ADAMTS9: variants seen among roughly 807,000 people sequenced by gnomAD.
The protein encoded by ADAMTS9 is ADAM metallopeptidase with thrombospondin type 1 motif 9.
ADAMTS9 carries 107 observed loss-of-function variants against 257.1 expected under a neutral mutation model. The observed-to-expected ratio is 0.42, with a 90% CI of 0.36 to 0.49. The LOEUF (loss-of-function observed/expected upper bound fraction) is 0.49, where lower values mean the gene tolerates loss of function less well. Ranked by LOEUF, ADAMTS9 falls within the 20% of genes least tolerant of loss-of-function variation. ADAMTS9 has a pLI of 0.03. For missense variants in ADAMTS9, 2,353 were observed against 2,469.1 expected, an observed-to-expected ratio of 0.95 and a Z score of 1.00; for synonymous variants, 982 against 880.9, an observed-to-expected ratio of 1.11 and a Z score of -2.03.
At chr3:64,595,535 C>T (rs951749352) in intron 27 of ADAMTS9, among the ~76,000 whole-genome samples, 2 of 152,216 alleles carry the variant, frequency 1.3e-5, no homozygotes, top group African/African-American at 2.4e-5. Context: ...ATTACAGAAG[C>T]TTAATCACAG....
In ADAMTS9 at chr3:64,647,929, G is replaced by A. The variant is rs1449789653; in HGVS notation, c.1710+11C>T. The A allele has an allele frequency of 6.2e-7, 1 of 1,611,878 alleles. No individual in the cohort carries two copies. Among genetic ancestry groups the A allele is most frequent in the Admixed American group, 1.7e-5 (1 of 59,798 alleles). On this transcript the variant is annotated intron_variant, in intron 11 of 39. Coordinates refer to ENST00000498707, the MANE Select transcript of ADAMTS9 (RefSeq NM_182920.2). ...CCCTAAGACAGAAGGACAGAACAGG[G>A]CATTACTTGCCTTTCCAGGCTCGCA... is the stretch of plus-strand genomic sequence containing the variant.
At chr3:64,598,613 C>T (rs2084405655) in intron 26 of ADAMTS9, among the ~76,000 whole-genome samples, 2 of 152,242 alleles carry the variant, frequency 1.3e-5, no homozygotes, top group South Asian at 2.1e-4. Flanking sequence ...AGCCACCATG[C>T]CTGGCCTTAC....
chr3:64,686,930 A>C lies in ADAMTS9; in HGVS notation c.154T>G (p.Ser52Ala). The change falls in exon 2 of 40, where the codon TCT becomes GCT. Residue 52 changes from serine to alanine, a missense_variant. By Grantham distance (99) the Ser-to-Ala change is moderately conservative. Coordinates refer to ENST00000498707, the MANE Select transcript of ADAMTS9 (RefSeq NM_182920.2). This position sits in a 1 kb window ranked among gnomAD's most constrained non-coding sequence, Gnocchi z 4.6. ...LETLSEYEIV[S>A]PIRVNALGEP... Reference sequence around the variant, plus strand: ...CCGAGAGCGTTCACTCGGATGGGAGACACGATTTCGTATTCGCTCAGGGTC... The same window carrying C: ...CCGAGAGCGTTCACTCGGATGGGAGCCACGATTTCGTATTCGCTCAGGGTC... 6.2e-7 allele frequency: 1 copy of C among 1,614,148 alleles called. No homozygotes were observed. Among genetic ancestry groups the C allele is most frequent in the African/African-American group, 1.3e-5 (1 of 75,030 alleles).
intron 10 of ADAMTS9, among the ~76,000 whole-genome samples, chr3:64,648,425 G>A (rs1418845848): frequency 6.6e-6 from 1 of 152,056 alleles, no homozygotes; most frequent in Non-Finnish European, 1.5e-5. Context: ...TCCAGTAATA[G>A]ACAGCATTTA....
rs1450471555 is a variant in ADAMTS9 at position 64,551,070 on chromosome 3, A to G, written c.4699-8T>C. The G allele has an allele frequency of 2.5e-6, 4 of 1,613,710 alleles. No homozygotes were observed. Among genetic ancestry groups the G allele is most frequent in the Non-Finnish European group, 3.4e-6 (4 of 1,179,774 alleles). On this transcript the variant is annotated splice_region_variant and splice_polypyrimidine_tract_variant and intron_variant, in intron 30 of 39. Transcript: ENST00000498707. The stretch of plus-strand genomic sequence containing the variant: ...GCCGCAGGTCTTGGTGCACTGTTAA[A>G]TACAAGCAAAAGAGAAGAATAAACC...
chr3:64,568,132 A>G (rs993879181), intron 29 of ADAMTS9, among the ~76,000 whole-genome samples: 2 of 152,126 alleles, frequency 1.3e-5, no homozygotes, highest in Admixed American at 6.5e-5. Context: ...TTCCACTTAG[A>G]ATTCACCCTC....
At chr3:64,659,414 G>C (rs1326386093) in intron 3 of ADAMTS9, among the ~76,000 whole-genome samples, 1 of 145,712 alleles carries the variant, frequency 6.9e-6, no homozygotes, top group African/African-American at 2.5e-5. Flanking sequence ...CCTGACGTGA[G>C]TTTAGATTGT....
chr3:64,566,450 C>T (rs868519636), intron 29 of ADAMTS9, among the ~76,000 whole-genome samples: 26 of 152,066 alleles, frequency 1.7e-4, no homozygotes, highest in African/African-American at 2.9e-4. Flanking sequence ...TTGACTTTTC[C>T]GAGCAATCAT....
intron 2 of ADAMTS9, among the ~76,000 whole-genome samples, chr3:64,683,570 A>C (rs1701812725): frequency 6.6e-6 from 1 of 152,000 alleles, no homozygotes; most frequent in Non-Finnish European, 1.5e-5. Flanking sequence ...TTCTTGGAGG[A>C]TTTGGATGAG....
At chr3:64,555,491 G>A (rs2083322029) in intron 30 of ADAMTS9, among the ~76,000 whole-genome samples, 1 of 152,152 alleles carries the variant, frequency 6.6e-6, no homozygotes, top group Admixed American at 6.5e-5. Context: ...GACACCCAGG[G>A]TGGCAGCTAT....
chr3:64,594,092 A>C (rs1445254768), intron 28 of ADAMTS9, among the ~76,000 whole-genome samples, 166 bp downstream of exon 28: 1 of 152,060 alleles, frequency 6.6e-6, no homozygotes, highest in East Asian at 1.9e-4. Context: ...AATATCATAA[A>C]AAGTTAATTC....
intron 3 of ADAMTS9, among the ~76,000 whole-genome samples, chr3:64,678,716 C>T (rs1701682846): frequency 6.6e-6 from 1 of 152,202 alleles, no homozygotes; most frequent in Non-Finnish European, 1.5e-5. Context: ...ACTCCCTGTG[C>T]AAAGGCTACC....
At chr3:64,531,802 T>G (rs2082984986) in intron 38 of ADAMTS9, among the ~76,000 whole-genome samples, 1 of 152,216 alleles carries the variant, frequency 6.6e-6, no homozygotes, top group Non-Finnish European at 1.5e-5. Context: ...CCCAGCTCTC[T>G]TCTTTGTCTT....
At chr3:64,585,687 CCTGA>C (rs1559777969) in intron 28 of ADAMTS9, among the ~76,000 whole-genome samples, 6 of 152,120 alleles carry the variant, frequency 3.9e-5, no homozygotes, top group African/African-American at 1.2e-4. Context: ...AATCTATCAT[CCTGA>C]CTATCTATAT....
chr3:64,527,542 T>C (rs2082925429), intron 38 of ADAMTS9, among the ~76,000 whole-genome samples: 1 of 128,008 alleles, frequency 7.8e-6, no homozygotes, highest in Non-Finnish European at 1.6e-5. Context: ...TTATAATGAT[T>C]ATGGTATAAT....
In ADAMTS9 at chr3:64,546,800, G is replaced by T. The variant is rs6787633; in HGVS notation, c.5022C>A (p.Asp1674Glu). The T allele has an allele frequency of 3.7e-6, 6 of 1,612,848 alleles. No homozygotes were observed. The African/African-American group carries it at 8.0e-5, about 22-fold the overall frequency. ...PPSVHPCYLR[D>E]CPVSATWRVG... ...CTCTCCAGGTGGCCGAGACAGGGCA[G>T]TCCCTCAGGTAACAGGGGTGAACAC... The change falls in exon 32 of 40, where the codon GAC becomes GAA. Residue 1674 changes from aspartate (D) to glutamate (E), a missense_variant. Physicochemically the swap from Asp to Glu is conservative, Grantham distance 45. This residue lies in a region of ADAMTS9 where 1,402 missense variants were observed against 1,441.4 expected (regional missense o/e 0.97). Transcript: ENST00000498707.
chr3:64,590,636 T>C (rs980973633), intron 28 of ADAMTS9, among the ~76,000 whole-genome samples: 1 of 152,152 alleles, frequency 6.6e-6, no homozygotes, highest in Non-Finnish European at 1.5e-5. Context: ...AAACATTTTC[T>C]CTTCCTACCT....
intron 12 of ADAMTS9, among the ~76,000 whole-genome samples, chr3:64,635,011 T>C (rs948775536): frequency 6.6e-6 from 1 of 152,142 alleles, no homozygotes; most frequent in Admixed American, 6.5e-5. Flanking sequence ...TGAGCTTCAA[T>C]TTTTCCCCTT....
At position 64,687,074 on chromosome 3, in the gene ADAMTS9, C is replaced by A. The variant is rs2107072560; in HGVS notation, c.116-106G>T. ...TTCTGACCTTATTTTCCAGCCCATT[C>A]GAGTCAATCCCTTCACCCTTAATCA... On this transcript the variant is annotated intron_variant, in intron 1 of 39. Transcript: ENST00000498707. The surrounding 1 kb of genome is among the most constrained non-coding windows in gnomAD (Gnocchi z 4.4). 1 of 1,338,336 alleles carries A rather than the reference C, an allele frequency of 7.5e-7. No individual in the cohort carries two copies. Among genetic ancestry groups the A allele is most frequent in the East Asian group, 2.3e-5 (1 of 43,140 alleles). The allele number at this position is 1,338,336 out of a possible 1,614,324, so 82.9% of individuals were successfully genotyped here.
Sources: gnomAD v4.1 joint callset for allele counts (sites outside exome capture counted in the v4.1 genomes callset) on GRCh38, gnomAD v4.1.1 for gene constraint, gnomAD v4.1.1 regional missense constraint, Gnocchi (gnomAD v3.1) non-coding constraint, MANE v1.5 for transcripts, NCBI Gene and HGNC (gene_info 2026-07-23, HGNC 2026-07-21) for gene names.